Variants in MAST4 observed in about 807,000 individuals in gnomAD.
The protein encoded by MAST4 is microtubule-associated serine/threonine-protein kinase 4.
A neutral mutation model predicts 162.7 loss-of-function variants in MAST4; 89 were observed. The ratio of observed to expected loss-of-function variants is 0.55; its 90% CI spans 0.46 to 0.65. MAST4 has a LOEUF of 0.65. Ranked by LOEUF, MAST4 falls within the 30% of genes least tolerant of loss-of-function variation. The probability of loss-of-function intolerance (pLI) is 0.00; values close to 1 mark genes in which losing one functional copy is unlikely to be tolerated. For missense variants in MAST4, 3,153 were observed against 3,374.0 expected (o/e 0.93, Z 1.62); for synonymous variants, 1,479 against 1,361.1 (o/e 1.09, Z -1.91).
Position 66,840,015 on chromosome 5 carries a change from C to A in MAST4, c.642+51221C>A, listed in dbSNP as rs60452221. Reference sequence around the variant, plus strand: ...CTTGGGCAACAAATGAGAATACAAGCTTAATTTTACTAGCTTCACTTTTTT... The same window carrying A: ...CTTGGGCAACAAATGAGAATACAAGATTAATTTTACTAGCTTCACTTTTTT... On this transcript the variant is annotated intron_variant, in intron 3 of 28. Transcript: ENST00000403625. Among the ~76,000 whole-genome samples, 1,034 of 151,898 alleles carry A rather than the reference C, an allele frequency of 6.8e-3. 7 individuals are homozygous for A. Among genetic ancestry groups the A allele is most frequent in the African/African-American group, 0.023 (941 of 41,424 alleles).
intron 26 of MAST4, among the ~76,000 whole-genome samples, chr5:67,155,427 C>T (rs1402197122): frequency 2.6e-5 from 4 of 152,128 alleles, no homozygotes; most frequent in African/African-American, 4.8e-5. Context: ...TTAAGTAGAC[C>T]GAGGTCATTC....
At chr5:66,717,819 T>C (rs73765320) in intron 1 of MAST4, among the ~76,000 whole-genome samples, 1 of 152,210 alleles carries the variant, frequency 6.6e-6, no homozygotes, top group African/African-American at 2.4e-5. Flanking sequence ...TGATTATCTC[T>C]TCCTGGTATC....
chr5:66,913,854 A>G (rs1339332479), intron 4 of MAST4, among the ~76,000 whole-genome samples: 1 of 152,178 alleles, frequency 6.6e-6, no homozygotes, highest in Non-Finnish European at 1.5e-5. Context: ...TTCTGCATAC[A>G]CGTCTCTAAT....
intron 5 of MAST4, among the ~76,000 whole-genome samples, chr5:67,060,603 G>A (rs943143453): frequency 6.7e-6 from 1 of 150,332 alleles, no homozygotes; most frequent in South Asian, 2.1e-4. Context: ...TCAGCCTCCT[G>A]AGTAACTGGG....
intron 1 of MAST4, among the ~76,000 whole-genome samples, chr5:66,669,336 G>A (rs1029259165): frequency 4.6e-5 from 7 of 152,148 alleles, no homozygotes; most frequent in East Asian, 3.8e-4. Flanking sequence ...TACCCTATGC[G>A]TATTTATTTA....
At chr5:66,885,956 A>G (rs1015531119) in intron 3 of MAST4, among the ~76,000 whole-genome samples, 2 of 152,178 alleles carry the variant, frequency 1.3e-5, no homozygotes, top group East Asian at 1.9e-4. Context: ...GATGCTTTAC[A>G]TGTATTATTT....
intron 4 of MAST4, among the ~76,000 whole-genome samples, chr5:66,949,061 A>AT (rs1744369237): frequency 6.6e-6 from 1 of 152,222 alleles, no homozygotes; most frequent in Non-Finnish European, 1.5e-5. Flanking sequence ...AATGCAAACA[A>AT]TAACAAATAG....
In MAST4 at chr5:66,769,414, T is replaced by C. The variant is rs1008847173; in HGVS notation, c.517+9552T>C. Among the ~76,000 whole-genome samples the C allele has an allele frequency of 3.3e-5, 5 of 152,172 alleles. No individual in the cohort carries two copies. The East Asian group carries it at 9.6e-4, about 29-fold the overall frequency. ...GACTGAGTTTGACTTAACCAGCCCCTGAAGAATGACTGAAATGTTAATATA... is the reference window on the plus strand; with the variant it reads ...GACTGAGTTTGACTTAACCAGCCCCCGAAGAATGACTGAAATGTTAATATA... On this transcript the variant is annotated intron_variant, in intron 2 of 28. Coordinates refer to ENST00000403625, the MANE Select transcript of MAST4 (RefSeq NM_001164664.2).
chr5:67,159,343 T>A (rs1189951500), intron 26 of MAST4, among the ~76,000 whole-genome samples: 1 of 152,228 alleles, frequency 6.6e-6, no homozygotes, highest in East Asian at 1.9e-4. Flanking sequence ...TTCTTAATTT[T>A]TTTTTAATAC....
At chr5:67,061,858 G>C (rs1288804504) in intron 5 of MAST4, among the ~76,000 whole-genome samples, 1 of 151,340 alleles carries the variant, frequency 6.6e-6, no homozygotes, top group East Asian at 1.9e-4. Context: ...TTTCTAAACT[G>C]TATTGGTGAG....
chr5:66,989,119 G>A (rs886513987), intron 4 of MAST4, among the ~76,000 whole-genome samples: 4 of 152,276 alleles, frequency 2.6e-5, no homozygotes, highest in African/African-American at 9.6e-5. Flanking sequence ...AAGGTAATGT[G>A]GGATGTTGGT....
At chr5:67,111,276 A>T (rs765670114) in intron 11 of MAST4, among the ~76,000 whole-genome samples, 3 of 152,248 alleles carry the variant, frequency 2.0e-5, no homozygotes, top group Non-Finnish European at 2.9e-5. Flanking sequence ...ACACACATAC[A>T]TACATACATA....
At chr5:67,155,367 T>A (rs1365103794) in intron 26 of MAST4, among the ~76,000 whole-genome samples, 1 of 152,192 alleles carries the variant, frequency 6.6e-6, no homozygotes, top group East Asian at 1.9e-4. Context: ...AAAGCTTTCC[T>A]GCCATGAGGA....
At position 67,165,888 on chromosome 5, in the gene MAST4, A is replaced by T. The variant is rs1773874502; in HGVS notation, c.6709A>T (p.Arg2237Ter). 6.2e-7 allele frequency: 1 copy of T among 1,613,246 alleles called. No individual in the cohort carries two copies. The highest frequency in any genetic ancestry group is 1.7e-5 in the Admixed American group (1 of 60,010). Reference sequence around the variant, plus strand: ...CACTCAGTCCCTCGGTGGCTCTAGCAGAGAGGGGAAGGGCCACAGTAAGAG... The same window carrying T: ...CACTCAGTCCCTCGGTGGCTCTAGCTGAGAGGGGAAGGGCCACAGTAAGAG... ...PATQSLGGSS[R>*]EGKGHSKSGP... is the part of the protein sequence containing the mutation. The change falls in exon 29 of 29, where the codon AGA becomes TGA. Residue 2237 changes from arginine (R) to a stop codon, truncating the protein, a stop_gained. Transcript: ENST00000403625. LOFTEE classifies it low-confidence loss of function (END_TRUNC).
chr5:66,646,309 G>A (rs1218299909), intron 1 of MAST4, among the ~76,000 whole-genome samples: 2 of 152,128 alleles, frequency 1.3e-5, no homozygotes, highest in Non-Finnish European at 2.9e-5. Flanking sequence ...TATAAGGGAT[G>A]CCACTGATGA....
intron 4 of MAST4, among the ~76,000 whole-genome samples, chr5:66,996,429 T>A (rs756108221): frequency 6.6e-6 from 1 of 152,076 alleles, no homozygotes; most frequent in Non-Finnish European, 1.5e-5. Flanking sequence ...TATTACATAT[T>A]TTTTAAAAAT....
At chr5:66,850,378 T>A (rs1759216150) in intron 3 of MAST4, among the ~76,000 whole-genome samples, 1 of 152,244 alleles carries the variant, frequency 6.6e-6, no homozygotes, top group South Asian at 2.1e-4. Flanking sequence ...CAAACATTCC[T>A]TTGTTTGTTC....
intron 3 of MAST4, 114 bp downstream of exon 3, chr5:66,788,908 CAT>C: frequency 7.7e-7 from 1 of 1,293,152 alleles, no homozygotes; most frequent in Admixed American, 3.5e-5. Context: ...ACGTTAAGCA[CAT>C]ATTTGGCAAT....
chr5:66,647,347 A>G (rs944683809), intron 1 of MAST4, among the ~76,000 whole-genome samples: 1 of 152,114 alleles, frequency 6.6e-6, no homozygotes, highest in Non-Finnish European at 1.5e-5. Context: ...CCCATTCCCC[A>G]GTGACTACCC....
Sources: gnomAD v4.1 joint callset for allele counts (sites outside exome capture counted in the v4.1 genomes callset) on GRCh38, gnomAD v4.1.1 for gene constraint, MANE v1.5 for transcripts, NCBI Gene and HGNC (gene_info 2026-07-23, HGNC 2026-07-21) for gene names.